KATNAL2: variants seen among roughly 807,000 people sequenced by gnomAD.
KATNAL2 encodes katanin catalytic subunit A1 like 2, also known as katanin p60 ATPase-containing subunit A-like 2.
KATNAL2 carries 52 observed loss-of-function variants against 76.3 expected under a neutral mutation model. The ratio of observed to expected loss-of-function variants is 0.68; its 90% CI spans 0.55 to 0.86. The LOEUF (loss-of-function observed/expected upper bound fraction) is 0.86. KATNAL2 is among the 40% of genes least tolerant of loss of function. The pLI is 0.00. For missense variants in KATNAL2, 660 were observed against 668.9 expected (o/e 0.99, Z 0.15); for synonymous variants, 243 against 244.2 (o/e 1.00, Z 0.05).
At chr18:46,949,257 C>G (rs2059477753) in intron 3 of KATNAL2, among the ~76,000 whole-genome samples, 1 of 151,864 alleles carries the variant, frequency 6.6e-6, no homozygotes, top group African/African-American at 2.4e-5. Context: ...TTCTCCTTCT[C>G]CTTCTTCTTT....
At chr18:46,949,613 G>T (rs547554567) in intron 3 of KATNAL2, among the ~76,000 whole-genome samples, 1 of 152,186 alleles carries the variant, frequency 6.6e-6, no homozygotes, top group Non-Finnish European at 1.5e-5. Flanking sequence ...CATAGGGGAA[G>T]CCACCCCAGT....
intron 13 of KATNAL2, among the ~76,000 whole-genome samples, chr18:47,070,675 G>C (rs1010344440): frequency 1.3e-5 from 2 of 152,124 alleles, no homozygotes; most frequent in Non-Finnish European, 2.9e-5. Flanking sequence ...CATTCCCTTA[G>C]ATGACTGTTT....
intron 6 of KATNAL2, among the ~76,000 whole-genome samples, chr18:47,056,856 A>T (rs1038012877): frequency 6.6e-6 from 1 of 152,140 alleles, no homozygotes; most frequent in Non-Finnish European, 1.5e-5. Context: ...CCACACACAC[A>T]TATATAACTT....
chr18:46,931,533 G>C (rs938180926), intron 1 of KATNAL2, among the ~76,000 whole-genome samples: 2 of 151,976 alleles, frequency 1.3e-5, no homozygotes, highest in African/African-American at 4.8e-5. Flanking sequence ...CACACCTGTG[G>C]TCAAAGCTAC....
At chr18:46,924,050 C>A (rs1377253315) in intron 1 of KATNAL2, among the ~76,000 whole-genome samples, 2 of 152,166 alleles carry the variant, frequency 1.3e-5, no homozygotes, top group African/African-American at 2.4e-5. Context: ...ATGCTAGTTT[C>A]TTTCACTGTG....
At chr18:47,039,378 C>T (rs1216334939) in intron 3 of KATNAL2, among the ~76,000 whole-genome samples, 1 of 152,192 alleles carries the variant, frequency 6.6e-6, no homozygotes, top group Non-Finnish European at 1.5e-5. Context: ...CCTTTACCTG[C>T]CATCCCCTCC....
At position 47,058,257 on chromosome 18, in the gene KATNAL2, A is replaced by C. The variant is rs144815283; in HGVS notation, c.355A>C (p.Asn119His). ...TAGGATGATGAACGACAGTTGTCAA[A>C]ATCTTCCCAAGATCAATCAGCAGAG... is the stretch of plus-strand genomic sequence containing the variant. ...TRRMMNDSCQ[N>H]LPKINQQRPR... The change falls in exon 7 of 18, where the codon AAT becomes CAT. Residue 119 changes from asparagine (N) to histidine (H), a missense_variant. Asn to His is a moderately conservative substitution (Grantham distance 68). Coordinates refer to ENST00000683218, the MANE Select transcript of KATNAL2 (RefSeq NM_001387690.1). The C allele has an allele frequency of 6.2e-7, 1 of 1,613,878 alleles. No individual in the cohort carries two copies. Among genetic ancestry groups the C allele is most frequent in the African/African-American group, 1.3e-5 (1 of 75,060 alleles).
intron 10 of KATNAL2, among the ~76,000 whole-genome samples, chr18:47,065,025 G>T (rs180804299): frequency 4.5e-4 from 68 of 152,152 alleles, no homozygotes; most frequent in African/African-American, 1.5e-3. Context: ...AAGAAAGGAC[G>T]GTAATAAGAA....
chr18:46,947,166 G>A (rs1296288675), intron 3 of KATNAL2, among the ~76,000 whole-genome samples: 1 of 152,202 alleles, frequency 6.6e-6, no homozygotes, highest in Non-Finnish European at 1.5e-5. Context: ...GAAAGGGACG[G>A]CAGGGTCGGT....
chr18:47,091,913 T>C (rs937497205), intron 15 of KATNAL2, among the ~76,000 whole-genome samples: 4 of 152,196 alleles, frequency 2.6e-5, no homozygotes, highest in East Asian at 1.9e-4. Context: ...GAAGAAAATA[T>C]AGCAACTGCT....
chr18:47,074,615 G>A (rs1384539831), intron 13 of KATNAL2, among the ~76,000 whole-genome samples: 1 of 152,004 alleles, frequency 6.6e-6, no homozygotes, highest in African/African-American at 2.4e-5. Context: ...GTTTTTATAT[G>A]TCTGTTCTTT....
At position 47,041,326 on chromosome 18, in the gene KATNAL2, G is replaced by A. The variant is rs556194316; in HGVS notation, c.52-5131G>A. ...ATAATCTATCATATAGAATGGTTTCGCTGCCCTAGAAATCTTGTACTCTAC... is the reference window on the plus strand; with the variant it reads ...ATAATCTATCATATAGAATGGTTTCACTGCCCTAGAAATCTTGTACTCTAC... On this transcript the variant is annotated intron_variant, in intron 3 of 17. Coordinates refer to ENST00000683218, the MANE Select transcript of KATNAL2 (RefSeq NM_001387690.1). Among the ~76,000 whole-genome samples, 8 of 152,084 alleles carry A rather than the reference G, an allele frequency of 5.3e-5. No individual in the cohort carries two copies. In the South Asian group the frequency reaches 1.0e-3, roughly 20 times the overall value.
intron 10 of KATNAL2, 35 bp downstream of exon 10, chr18:47,063,396 G>A (rs1193211543): frequency 6.6e-7 from 1 of 1,515,758 alleles, no homozygotes; most frequent in Non-Finnish European, 9.1e-7. Context: ...AATTTATGGA[G>A]GCAGGCTGGG....
Position 47,033,451 on chromosome 18 carries a change from C to T in KATNAL2, c.52-13006C>T, listed in dbSNP as rs150666101. Reference sequence around the variant, plus strand: ...GTCCGGAAGCCGCAGGTACTGCTCCCTCCAAGTTTTGTTTTCCTGTGGCTT... The same window carrying T: ...GTCCGGAAGCCGCAGGTACTGCTCCTTCCAAGTTTTGTTTTCCTGTGGCTT... On this transcript the variant is annotated intron_variant, in intron 3 of 17. Transcript: ENST00000683218. 1.9e-4 allele frequency: 309 copies of T among 1,614,194 alleles called. No homozygotes were observed. In the African/African-American group the frequency reaches 3.5e-3, roughly 19 times the overall value.
At chr18:46,949,605 T>C (rs765637374) in intron 3 of KATNAL2, among the ~76,000 whole-genome samples, 7 of 152,206 alleles carry the variant, frequency 4.6e-5, no homozygotes, top group Non-Finnish European at 1.0e-4. Context: ...TCTTTCCCCA[T>C]AGGGGAAGCC....
At chr18:46,961,864 G>C (rs754953632) in intron 3 of KATNAL2, among the ~76,000 whole-genome samples, 4 of 152,180 alleles carry the variant, frequency 2.6e-5, no homozygotes, top group African/African-American at 4.8e-5. Context: ...ATTATTTTTA[G>C]GAGGGCCTGC....
At chr18:47,031,962 C>A (rs1227448993) in intron 3 of KATNAL2, among the ~76,000 whole-genome samples, 1 of 152,170 alleles carries the variant, frequency 6.6e-6, no homozygotes. Flanking sequence ...AAATGCCCTG[C>A]TTTATAATGA....
intron 3 of KATNAL2, among the ~76,000 whole-genome samples, chr18:47,037,886 T>C (rs1006236085): frequency 2.0e-5 from 3 of 151,808 alleles, no homozygotes; most frequent in African/African-American, 7.3e-5. Flanking sequence ...AGTCTCCCTA[T>C]GTTGCCCAGG....
rs758486080 is a variant in KATNAL2 at position 47,033,189 on chromosome 18, G to T, written c.52-13268G>T. 6.8e-6 allele frequency: 11 copies of T among 1,613,982 alleles called. No homozygotes were observed. In the East Asian group the frequency reaches 2.0e-4, roughly 29 times the overall value. ...TGCTGCTGCTGCTGTCTCTGCCACCGCCGCTGCTGCTCTGGCTGGAGGGAG... is the reference window on the plus strand; with the variant it reads ...TGCTGCTGCTGCTGTCTCTGCCACCTCCGCTGCTGCTCTGGCTGGAGGGAG... On this transcript the variant is annotated intron_variant, in intron 3 of 17. Coordinates refer to ENST00000683218, the MANE Select transcript of KATNAL2 (RefSeq NM_001387690.1).
Sources: gnomAD v4.1 joint callset for allele counts (sites outside exome capture counted in the v4.1 genomes callset) on GRCh38, gnomAD v4.1.1 for gene constraint, MANE v1.5 for transcripts, NCBI Gene and HGNC (gene_info 2026-07-23, HGNC 2026-07-21) for gene names.